RAPGEF4: variants seen among roughly 807,000 people sequenced by gnomAD.
RAPGEF4 encodes RAP guanine-nucleotide-exchange factor (GEF) 4.
A neutral mutation model predicts 147.9 loss-of-function variants in RAPGEF4; 66 were observed. The ratio of observed to expected loss-of-function variants is 0.45; its 90% CI spans 0.37 to 0.55. RAPGEF4 has a LOEUF of 0.55. RAPGEF4 is among the 20% of genes least tolerant of loss of function. The pLI is 0.00. For missense variants in RAPGEF4, 1,071 were observed against 1,257.3 expected, an observed-to-expected ratio of 0.85 and a Z score of 2.24; for synonymous variants, 419 against 442.7, an observed-to-expected ratio of 0.95 and a Z score of 0.67.
chr2:172,918,412 A>ACAC (rs1575234433), intron 5 of RAPGEF4, among the ~76,000 whole-genome samples: 2 of 71,046 alleles, frequency 2.8e-5, no homozygotes, highest in African/African-American at 1.4e-4. Flanking sequence ...CACACACACA[A>ACAC]AGTGACTATG....
chr2:172,813,398 G>A (rs887646392), intron 3 of RAPGEF4, among the ~76,000 whole-genome samples: 6 of 151,988 alleles, frequency 3.9e-5, no homozygotes, highest in African/African-American at 1.4e-4. Flanking sequence ...TACTTTTTTT[G>A]GTACACCTTA....
chr2:172,788,292 A>T (rs372837509), intron 1 of RAPGEF4, among the ~76,000 whole-genome samples: 12 of 152,356 alleles, frequency 7.9e-5, no homozygotes, highest in African/African-American at 2.4e-4. Context: ...TACATGCATG[A>T]AACATGAAAT....
intron 1 of RAPGEF4, among the ~76,000 whole-genome samples, chr2:172,772,651 T>C (rs1211554405): frequency 6.6e-6 from 1 of 152,230 alleles, no homozygotes; most frequent in Admixed American, 6.5e-5. Context: ...GCTAAAACAT[T>C]ATTTTAAAAT....
Position 173,052,819 on chromosome 2 carries a change from G to T in RAPGEF4, c.*1052G>T, listed in dbSNP as rs929533583. The T allele has an allele frequency of 2.0e-5, 3 of 152,186 alleles. No individual in the cohort carries two copies. The highest frequency in any genetic ancestry group is 7.3e-5 in the African/African-American group (3 of 41,338). The allele number at this position is 152,186 out of a possible 1,614,324, so 9.4% of individuals were successfully genotyped here. On this transcript the variant is annotated 3_prime_UTR_variant, in exon 31 of 31. Coordinates refer to ENST00000397081, the MANE Select transcript of RAPGEF4 (RefSeq NM_007023.4). Reference sequence around the variant, plus strand: ...TTCACAATTAGACTACATTTAATGTGTAGGAATTGTATGTATGTATATCTT... The same window carrying T: ...TTCACAATTAGACTACATTTAATGTTTAGGAATTGTATGTATGTATATCTT...
intron 30 of RAPGEF4, among the ~76,000 whole-genome samples, chr2:173,049,013 C>T (rs1274039579): frequency 6.6e-6 from 1 of 152,198 alleles, no homozygotes; most frequent in Non-Finnish European, 1.5e-5. Flanking sequence ...TGTTGAGAAA[C>T]TCACATCAGC....
At chr2:172,793,442 A>G (rs1157831748) in intron 1 of RAPGEF4, among the ~76,000 whole-genome samples, 1 of 152,142 alleles carries the variant, frequency 6.6e-6, no homozygotes, top group Non-Finnish European at 1.5e-5. Context: ...GAATAAATAT[A>G]TGCTAGTTTT....
intron 4 of RAPGEF4, among the ~76,000 whole-genome samples, chr2:172,880,146 A>G (rs1298129594): frequency 1.3e-5 from 2 of 152,194 alleles, no homozygotes; most frequent in East Asian, 3.9e-4. Context: ...CAAAGAGTCC[A>G]TCATTAAACA....
chr2:172,940,422 G>A lies in RAPGEF4; in HGVS notation c.537+18122G>A, dbSNP rs1387728341. ...GGCAGATTCTTCATGGGTTGGTGCT[G>A]TCTTGGTGATAGTGAGTTCTCATGA... On this transcript the variant is annotated intron_variant, in intron 6 of 30. Coordinates refer to ENST00000397081, the MANE Select transcript of RAPGEF4 (RefSeq NM_007023.4). Among the ~76,000 whole-genome samples, 3 of 152,042 alleles carry A rather than the reference G, an allele frequency of 2.0e-5. No individual in the cohort carries two copies. In the East Asian group the frequency reaches 5.8e-4, roughly 29 times the overall value.
chr2:172,909,125 C>T (rs1205982692), intron 4 of RAPGEF4, among the ~76,000 whole-genome samples: 4 of 152,102 alleles, frequency 2.6e-5, no homozygotes, highest in African/African-American at 9.7e-5. Flanking sequence ...AGAGACAGAA[C>T]TCAATCCAGA....
At chr2:172,968,879 C>T (rs1690154038) in intron 10 of RAPGEF4, among the ~76,000 whole-genome samples, 1 of 152,200 alleles carries the variant, frequency 6.6e-6, no homozygotes, top group Non-Finnish European at 1.5e-5. Flanking sequence ...TTCTTGTCCC[C>T]TCTTGTCCCA....
At chr2:172,938,131 A>G (rs1460835917) in intron 6 of RAPGEF4, among the ~76,000 whole-genome samples, 1 of 152,044 alleles carries the variant, frequency 6.6e-6, no homozygotes, top group East Asian at 1.9e-4. Context: ...TGTTGCTACT[A>G]GGATATCTTA....
chr2:173,038,586 G>A (rs529643214), intron 29 of RAPGEF4, among the ~76,000 whole-genome samples: 17 of 152,186 alleles, frequency 1.1e-4, no homozygotes, highest in Middle Eastern at 3.4e-3. Flanking sequence ...AGGGCCTGTC[G>A]GAGGTTGGGG....
At chr2:172,968,364 G>A (rs1682804260) in intron 10 of RAPGEF4, among the ~76,000 whole-genome samples, 1 of 152,188 alleles carries the variant, frequency 6.6e-6, no homozygotes, top group Non-Finnish European at 1.5e-5. Flanking sequence ...CATGTTACAT[G>A]TCCTGGATGT....
intron 1 of RAPGEF4, among the ~76,000 whole-genome samples, chr2:172,745,564 CA>C (rs1466812718): frequency 6.6e-6 from 1 of 151,422 alleles, no homozygotes; most frequent in Non-Finnish European, 1.5e-5. Context: ...GATTTTTGCT[CA>C]TTTTTTTTTC....
chr2:173,032,064 C>T lies in RAPGEF4; in HGVS notation c.2649+1810C>T, dbSNP rs555731212. Among the ~76,000 whole-genome samples, 8 of 152,118 alleles carry T rather than the reference C, an allele frequency of 5.3e-5. No individual in the cohort carries two copies. In the South Asian group the frequency reaches 1.7e-3, roughly 32 times the overall value. ...AAATAGAAAGGAAAGCCAGAGCACA[C>T]AATAAAGGGAAGGGTTCAAAACTGA... On this transcript the variant is annotated intron_variant, in intron 26 of 30. Transcript: ENST00000397081.
chr2:172,997,207 G>T (rs1693458302), intron 16 of RAPGEF4, among the ~76,000 whole-genome samples: 1 of 152,106 alleles, frequency 6.6e-6, no homozygotes. Flanking sequence ...GCATCCTTTG[G>T]CTTGTAGATG....
At chr2:172,871,885 T>G (rs1240505415) in intron 4 of RAPGEF4, among the ~76,000 whole-genome samples, 1 of 152,156 alleles carries the variant, frequency 6.6e-6, no homozygotes, top group African/African-American at 2.4e-5. Context: ...ATTTTATGAA[T>G]AACATAACTG....
intron 23 of RAPGEF4, among the ~76,000 whole-genome samples, chr2:173,024,649 C>A (rs993418467): frequency 1.4e-4 from 22 of 152,200 alleles, no homozygotes; most frequent in African/African-American, 5.3e-4. Context: ...GGTATCATGA[C>A]CCCAATTTAC....
chr2:173,039,010 C>A (rs1267343743), intron 29 of RAPGEF4, among the ~76,000 whole-genome samples: 1 of 152,198 alleles, frequency 6.6e-6, no homozygotes, highest in African/African-American at 2.4e-5. Flanking sequence ...CCATGCCTAG[C>A]ACTAAGGAAA....
Sources: gnomAD v4.1 joint callset for allele counts (sites outside exome capture counted in the v4.1 genomes callset) on GRCh38, gnomAD v4.1.1 for gene constraint, MANE v1.5 for transcripts, NCBI Gene and HGNC (gene_info 2026-07-23, HGNC 2026-07-21) for gene names.